DLG2: variants seen among roughly 807,000 people sequenced by gnomAD.
DLG2 encodes the protein discs large MAGUK scaffold protein 2, also known as disks large homolog 2.
DLG2 carries 45 observed loss-of-function variants against 132.5 expected under a neutral mutation model. That is an observed-to-expected ratio of 0.34 (90% CI 0.27 to 0.44). The LOEUF (loss-of-function observed/expected upper bound fraction) is 0.44, where lower values mean the gene tolerates loss of function less well. Ranked by LOEUF, DLG2 falls within the 20% of genes least tolerant of loss-of-function variation. The probability of loss-of-function intolerance (pLI) is 1.00; values close to 1 mark genes in which losing one functional copy is unlikely to be tolerated. For synonymous variants in DLG2, 424 were observed against 419.6 expected (o/e 1.01, Z -0.13); for missense variants, 1,045 against 1,196.9 (o/e 0.87, Z 1.87).
chr11:83,567,572 G>A (rs2096728634), intron 19 of DLG2, among the ~76,000 whole-genome samples: 1 of 152,162 alleles, frequency 6.6e-6, no homozygotes, highest in South Asian at 2.1e-4. Flanking sequence ...AAGTAAGGCA[G>A]AGTCTAGTAG....
intron 11 of DLG2, among the ~76,000 whole-genome samples, chr11:84,023,050 T>C (rs767418089): frequency 2.0e-5 from 3 of 152,120 alleles, no homozygotes; most frequent in Non-Finnish European, 4.4e-5. Context: ...TTTCTCTTTT[T>C]AAAAATACTA....
At chr11:85,498,390 T>G (rs1410729635) in intron 3 of DLG2, among the ~76,000 whole-genome samples, 2 of 152,168 alleles carry the variant, frequency 1.3e-5, no homozygotes, top group Non-Finnish European at 2.9e-5. Context: ...CTATCCTAAA[T>G]ATATATGCAC....
chr11:85,519,062 G>C, intron 3 of DLG2, among the ~76,000 whole-genome samples: 1 of 152,292 alleles, frequency 6.6e-6, no homozygotes, highest in Non-Finnish European at 1.5e-5. Context: ...AGTTTGCTGT[G>C]GGGGCAGGGC....
At chr11:83,770,886 T>C (rs1018521836) in intron 18 of DLG2, among the ~76,000 whole-genome samples, 38 of 152,306 alleles carry the variant, frequency 2.5e-4, no homozygotes, top group African/African-American at 8.7e-4. Flanking sequence ...TCCACTTTTT[T>C]TGCTTTCAAT....
intron 9 of DLG2, among the ~76,000 whole-genome samples, chr11:84,157,052 C>T (rs2154256549): frequency 6.6e-6 from 1 of 151,860 alleles, no homozygotes; most frequent in South Asian, 2.1e-4. Context: ...GTCTCTTTAG[C>T]TATTTTTAAT....
intron 7 of DLG2, among the ~76,000 whole-genome samples, chr11:84,491,074 C>A (rs1169692007): frequency 6.6e-6 from 1 of 151,844 alleles, no homozygotes; most frequent in Non-Finnish European, 1.5e-5. Context: ...AGAACCACTC[C>A]CCAACATAAA....
intron 9 of DLG2, among the ~76,000 whole-genome samples, chr11:84,115,072 G>C (rs950250879): frequency 1.3e-5 from 2 of 152,136 alleles, no homozygotes; most frequent in Non-Finnish European, 2.9e-5. Context: ...AGGCCCATTG[G>C]CAGTGGTAAG....
intron 9 of DLG2, among the ~76,000 whole-genome samples, chr11:84,109,983 C>T (rs1418148008): frequency 2.6e-5 from 4 of 152,156 alleles, no homozygotes; most frequent in East Asian, 3.8e-4. Flanking sequence ...CAGCTCCTCT[C>T]GACTTCTGCC....
intron 14 of DLG2, among the ~76,000 whole-genome samples, chr11:83,933,137 C>A (rs911052136): frequency 3.3e-5 from 5 of 152,172 alleles, no homozygotes; most frequent in Non-Finnish European, 5.9e-5. Flanking sequence ...TAAACCATCA[C>A]TGAAATCTGG....
intron 7 of DLG2, among the ~76,000 whole-genome samples, chr11:84,455,815 A>G (rs2099063782): frequency 6.6e-6 from 1 of 151,328 alleles, no homozygotes; most frequent in Non-Finnish European, 1.5e-5. Context: ...CAACTGTATC[A>G]TCTAAGAAAG....
At chr11:83,746,199 C>T (rs1056153313) in intron 18 of DLG2, among the ~76,000 whole-genome samples, 41 of 152,286 alleles carry the variant, frequency 2.7e-4, no homozygotes, top group African/African-American at 8.7e-4. Flanking sequence ...ACTAGAAATA[C>T]CATTTGACCC....
chr11:84,780,700 C>A lies in DLG2; in HGVS notation c.358-245969G>T, dbSNP rs945535718. Among the ~76,000 whole-genome samples the A allele has an allele frequency of 6.6e-5, 10 of 152,072 alleles. No individual in the cohort carries two copies. In the South Asian group the frequency reaches 2.1e-3, roughly 32 times the overall value. On this transcript the variant is annotated intron_variant, in intron 6 of 27. Coordinates refer to ENST00000376104, the MANE Select transcript of DLG2 (RefSeq NM_001142699.3). ...GACATCTTATTGTGGTTATAATTTT[C>A]TCTTACATTGAATTGAAAACATTTT...
At chr11:83,551,445 G>T (rs1016589961) in intron 19 of DLG2, among the ~76,000 whole-genome samples, 3 of 152,142 alleles carry the variant, frequency 2.0e-5, no homozygotes, top group African/African-American at 7.2e-5. Flanking sequence ...AAAAACGGGA[G>T]AAAGACATTC....
chr11:84,978,928 T>A (rs1280419489), intron 6 of DLG2, among the ~76,000 whole-genome samples: 1 of 152,172 alleles, frequency 6.6e-6, no homozygotes, highest in East Asian at 1.9e-4. Context: ...GACAAAGGGC[T>A]AATATCCAGA....
chr11:84,560,395 A>AGCTGTT (rs1185179430), intron 6 of DLG2, among the ~76,000 whole-genome samples: 1 of 152,138 alleles, frequency 6.6e-6, no homozygotes, highest in Non-Finnish European at 1.5e-5. Flanking sequence ...AAAAACACCC[A>AGCTGTT]GCTGAAAGGC....
At chr11:84,952,377 C>T (rs574195771) in intron 6 of DLG2, among the ~76,000 whole-genome samples, 4 of 152,052 alleles carry the variant, frequency 2.6e-5, no homozygotes, top group East Asian at 1.9e-4. Context: ...ATTAGCCGGG[C>T]GCAGTGGCGG....
In DLG2 at chr11:83,752,406, A is replaced by T. The variant is rs185938217; in HGVS notation, c.1825+34284T>A. Among the ~76,000 whole-genome samples, 155 of 152,358 alleles carry T rather than the reference A, an allele frequency of 1.0e-3. 4 individuals are homozygous for T. The highest frequency in any genetic ancestry group is 5.9e-5 in the Non-Finnish European group (4 of 68,038). Reference sequence around the variant, plus strand: ...GAGAAACCAGGAGGAAAATCATCCAAGTATGAATCATATAAGCCAAGCGAA... The same window carrying T: ...GAGAAACCAGGAGGAAAATCATCCATGTATGAATCATATAAGCCAAGCGAA... On this transcript the variant is annotated intron_variant, in intron 18 of 27. Transcript: ENST00000376104.
intron 3 of DLG2, among the ~76,000 whole-genome samples, chr11:85,558,193 A>C (rs145952308): frequency 2.6e-5 from 4 of 152,114 alleles, no homozygotes; most frequent in Non-Finnish European, 4.4e-5. Flanking sequence ...GCCAACAAAC[A>C]TATGAAAAAT....
intron 6 of DLG2, among the ~76,000 whole-genome samples, chr11:84,785,146 G>A (rs550031001): frequency 4.0e-5 from 6 of 151,762 alleles, no homozygotes; most frequent in African/African-American, 1.5e-4. Context: ...GCAAAACAAG[G>A]CTATATATGG....
Sources: allele counts gnomAD v4.1 joint callset (sites outside exome capture counted in the v4.1 genomes callset), GRCh38; gene constraint gnomAD v4.1.1; transcripts MANE v1.5; gene names NCBI Gene and HGNC (gene_info 2026-07-23, HGNC 2026-07-21).